ATAD3B: variants seen among roughly 807,000 people sequenced by gnomAD.
The protein encoded by ATAD3B is ATPase family AAA domain containing 3B, also known as ATPase family AAA domain-containing protein 3B.
ATAD3B carries 59 observed loss-of-function variants against 70.2 expected under a neutral mutation model. That is an observed-to-expected ratio of 0.84 (90% CI 0.68 to 1.04). The LOEUF (loss-of-function observed/expected upper bound fraction) is 1.04, where lower values mean the gene tolerates loss of function less well. Among genes scored for constraint, ATAD3B ranks in the 50% least tolerant of loss-of-function variants. The pLI, the probability that ATAD3B is intolerant of heterozygous loss-of-function variation, is 0.00. For synonymous variants in ATAD3B, 423 were observed against 388.6 expected (o/e 1.09, Z -1.04); for missense variants, 961 against 913.4 (o/e 1.05, Z -0.67).
At chr1:1,498,458 C>T (rs1640855334), downstream of ATAD3B, among the ~76,000 whole-genome samples, 2 of 151,360 alleles carry the variant, frequency 1.3e-5, no homozygotes, top group African/African-American at 4.9e-5. Flanking sequence ...GAGACCCTGT[C>T]TCAAAATAAA....
intron 13 of ATAD3B, 160 bp from the exon 14 acceptor site, chr1:1,490,097 C>A: frequency 7.0e-7 from 1 of 1,429,732 alleles, no homozygotes; most frequent in South Asian, 1.5e-5. Flanking sequence ...AGGCGGGTGA[C>A]CAGGGCTGTG....
At chr1:1,489,177 C>T (rs1640393008) in intron 12 of ATAD3B, 27 bp from the exon 13 acceptor site, 1 of 1,613,066 alleles carries the variant, frequency 6.2e-7, no homozygotes, top group Non-Finnish European at 8.5e-7. Context: ...GCTTCTGGTG[C>T]CTAAGGCTGG....
At chr1:1,504,658 A>G in the ATAD3B span, among the ~76,000 whole-genome samples, 1 of 137,274 alleles carries the variant, frequency 7.3e-6, no homozygotes, top group South Asian at 2.3e-4. Flanking sequence ...CTCAAAAACA[A>G]AAAAAAAAAG....
downstream of ATAD3B, among the ~76,000 whole-genome samples, chr1:1,501,917 C>T (rs183473129): frequency 6.6e-6 from 1 of 151,874 alleles, no homozygotes; most frequent in East Asian, 1.9e-4. Flanking sequence ...TCTCACTCGT[C>T]GCCGAGGCTG....
At chr1:1,495,202 C>T (rs1477258638) in intron 15 of ATAD3B, among the ~76,000 whole-genome samples, 2 of 151,984 alleles carry the variant, frequency 1.3e-5, no homozygotes, top group Non-Finnish European at 2.9e-5. Context: ...CGGAAGCTGC[C>T]CTGGGTCAGC....
At chr1:1,486,854 C>T (rs1640248944) in intron 11 of ATAD3B, among the ~76,000 whole-genome samples, 186 bp downstream of exon 11, 1 of 149,964 alleles carries the variant, frequency 6.7e-6, no homozygotes, top group Non-Finnish European at 1.5e-5. Flanking sequence ...CTGGTGGACA[C>T]GAGGTCCCCA....
downstream of ATAD3B, among the ~76,000 whole-genome samples, chr1:1,500,780 C>T (rs956250517): frequency 9.3e-5 from 14 of 150,854 alleles, no homozygotes; most frequent in East Asian, 8.0e-4. Flanking sequence ...GGTGAAACCC[C>T]GTCTCTACTA....
chr1:1,473,503 C>T (rs1570179092), intron 1 of ATAD3B, among the ~76,000 whole-genome samples: 1 of 142,372 alleles, frequency 7.0e-6, no homozygotes, highest in South Asian at 2.2e-4. Flanking sequence ...CGCATGCCAC[C>T]TTTTTTTTTT....
chr1:1,474,259 C>G (rs78712159), intron 1 of ATAD3B, among the ~76,000 whole-genome samples: 15,700 of 150,574 alleles, frequency 0.1, 2,031 homozygotes, highest in East Asian at 0.46. Flanking sequence ...GGCGTGATCA[C>G]GGCTCACTGC....
chr1:1,503,527 C>G, the ATAD3B span: 10 of 1,552,136 alleles, frequency 6.4e-6, no homozygotes, highest in East Asian at 2.4e-4. Context: ...GGTGTGGTGC[C>G]TGCCCAGCGG....
downstream of ATAD3B, among the ~76,000 whole-genome samples, chr1:1,500,522 AG>A: frequency 7.0e-6 from 1 of 142,608 alleles, no homozygotes; most frequent in Non-Finnish European, 1.5e-5. Flanking sequence ...ACTGCCCTCC[AG>A]TCTCTGGGGG....
intron 4 of ATAD3B, among the ~76,000 whole-genome samples, chr1:1,480,195 C>T (rs1433696422): frequency 8.1e-6 from 1 of 123,938 alleles, no homozygotes; most frequent in Non-Finnish European, 1.7e-5. Flanking sequence ...CCCCACCCCC[C>T]ACCCCCACAC....
chr1:1,501,732 T>G (rs747507893), downstream of ATAD3B, among the ~76,000 whole-genome samples: 8 of 152,100 alleles, frequency 5.3e-5, no homozygotes, highest in Non-Finnish European at 8.8e-5. Flanking sequence ...ACTCATTGTC[T>G]TTTTCCTTGA....
At chr1:1,472,374 C>T (rs1639377233) in intron 1 of ATAD3B, among the ~76,000 whole-genome samples, 2 of 151,962 alleles carry the variant, frequency 1.3e-5, no homozygotes, top group South Asian at 2.1e-4. Context: ...TGGCCGTGGT[C>T]TTCAGTTACC....
At chr1:1,508,574 T>C in the ATAD3B span, among the ~76,000 whole-genome samples, 1 of 151,244 alleles carries the variant, frequency 6.6e-6, no homozygotes. Context: ...GTGACTCCCT[T>C]TGGGGACTCC....
chr1:1,486,816 C>T (rs887940513), intron 11 of ATAD3B, 148 bp downstream of exon 11: 22 of 1,472,352 alleles, frequency 1.5e-5, no homozygotes, highest in East Asian at 1.2e-4. Context: ...GAGGGTCCCT[C>T]GGAGGGAAAG....
At chr1:1,478,505 G>A (rs746458755) in intron 2 of ATAD3B, 139 bp from the exon 3 acceptor site, 1 of 1,549,594 alleles carries the variant, frequency 6.5e-7, no homozygotes, top group Admixed American at 2.0e-5. Flanking sequence ...TGCAGATGCA[G>A]CTGGAAGCCC....
intron 8 of ATAD3B, 142 bp from the exon 9 acceptor site, chr1:1,485,640 G>C (rs985693980): frequency 7.8e-5 from 106 of 1,364,780 alleles, no homozygotes; most frequent in Non-Finnish European, 1.1e-4. Flanking sequence ...TCCCGGCGGG[G>C]CAGGGTTCCA....
chr1:1,489,085 T>TC (rs1640387855), intron 12 of ATAD3B, 119 bp from the exon 13 acceptor site: 2 of 1,534,792 alleles, frequency 1.3e-6, no homozygotes, highest in African/African-American at 2.7e-5. Context: ...TGAGTTTAGA[T>TC]CCATGAAAGT....
Sources: allele counts gnomAD v4.1 joint callset (sites outside exome capture counted in the v4.1 genomes callset), GRCh38; gene constraint gnomAD v4.1.1; transcripts MANE v1.5; gene names NCBI Gene and HGNC (gene_info 2026-07-23, HGNC 2026-07-21).